The following RPS6KC1 variants were observed in gnomAD, a reference collection of about 807,000 sequenced individuals.
The protein encoded by RPS6KC1 is ribosomal protein S6 kinase C1, also known as inactive ribosomal protein S6 kinase delta-1.
Under a neutral mutation model 103.8 loss-of-function variants are expected in RPS6KC1, and 54 were observed. The observed-to-expected ratio is 0.52, with a 90% CI of 0.42 to 0.65. RPS6KC1 has a LOEUF of 0.65. RPS6KC1 is among the 30% of genes least tolerant of loss of function. The pLI is 0.00. For synonymous variants in RPS6KC1, 439 were observed against 438.7 expected (o/e 1.00, Z -0.01); for missense variants, 1,151 against 1,253.8 (o/e 0.92, Z 1.24).
chr1:213,516,234 C>T, the RPS6KC1 span, among the ~76,000 whole-genome samples: 2 of 152,124 alleles, frequency 1.3e-5, no homozygotes, highest in African/African-American at 4.8e-5. Context: ...CTTCTCCTGC[C>T]TGATTGCCCT....
chr1:213,752,798 A>T, the RPS6KC1 span, among the ~76,000 whole-genome samples: 2 of 151,896 alleles, frequency 1.3e-5, no homozygotes, highest in African/African-American at 4.8e-5. Flanking sequence ...GAAAAGGGGA[A>T]CAGATCTGAT....
At chr1:213,357,312 G>T in the RPS6KC1 span, among the ~76,000 whole-genome samples, 1 of 151,346 alleles carries the variant, frequency 6.6e-6, no homozygotes, top group Admixed American at 6.6e-5. Context: ...ACCTCTTGGG[G>T]CCCTGTCCTG....
chr1:213,648,772 G>T, the RPS6KC1 span, among the ~76,000 whole-genome samples: 1 of 152,008 alleles, frequency 6.6e-6, no homozygotes, highest in Non-Finnish European at 1.5e-5. Context: ...TATCACTGTA[G>T]CCTTCTTCTC....
chr1:213,181,187 AG>A (rs1299488290), intron 8 of RPS6KC1, among the ~76,000 whole-genome samples: 1 of 152,186 alleles, frequency 6.6e-6, no homozygotes, highest in African/African-American at 2.4e-5. Context: ...GAGTAGCCTG[AG>A]TCATTCTGTG....
the RPS6KC1 span, among the ~76,000 whole-genome samples, chr1:213,485,623 G>A: frequency 6.6e-6 from 1 of 152,146 alleles, no homozygotes; most frequent in African/African-American, 2.4e-5. Context: ...AGTTGCTGCT[G>A]ATGGCACCAT....
the RPS6KC1 span, among the ~76,000 whole-genome samples, chr1:213,308,440 G>A: frequency 6.6e-6 from 1 of 151,752 alleles, no homozygotes; most frequent in South Asian, 2.1e-4. Flanking sequence ...AATAAATATG[G>A]TAAGTCTAGG....
At chr1:213,849,140 G>A in the RPS6KC1 span, among the ~76,000 whole-genome samples, 3 of 152,190 alleles carry the variant, frequency 2.0e-5, no homozygotes, top group Non-Finnish European at 4.4e-5. Context: ...GCACTTCTGA[G>A]CTGTGTTTCC....
chr1:213,304,620 A>G, the RPS6KC1 span, among the ~76,000 whole-genome samples: 1 of 150,636 alleles, frequency 6.6e-6, no homozygotes, highest in Non-Finnish European at 1.5e-5. Context: ...TTGGCTCACC[A>G]CAACCTCTGG....
the RPS6KC1 span, among the ~76,000 whole-genome samples, chr1:213,550,344 A>G: frequency 6.6e-6 from 1 of 152,214 alleles, no homozygotes; most frequent in South Asian, 2.1e-4. Flanking sequence ...TTCTCCTAAC[A>G]GGCTTTCTTT....
chr1:213,112,755 CT>C lies in RPS6KC1; in HGVS notation c.379-4560del, dbSNP rs1301942263. On this transcript the variant is annotated intron_variant, in intron 4 of 14. Transcript: ENST00000366960. ...ACAGTCCCCAGAGTGTGATGTTCCC[CT>C]TCCTGTGTCCATGTGTTCTCATTGT... Among the ~76,000 whole-genome samples, 39 of 152,038 alleles carry C rather than the reference CT, an allele frequency of 2.6e-4. No homozygotes were observed. In the East Asian group the frequency reaches 7.3e-3, roughly 29 times the overall value.
the RPS6KC1 span, among the ~76,000 whole-genome samples, chr1:213,577,499 G>A: frequency 2.6e-5 from 4 of 152,226 alleles, no homozygotes; most frequent in South Asian, 8.3e-4. Context: ...GGAACAGTTT[G>A]GAGGGCTCAG....
chr1:213,647,253 C>T, the RPS6KC1 span, among the ~76,000 whole-genome samples: 3 of 152,046 alleles, frequency 2.0e-5, no homozygotes, highest in Non-Finnish European at 2.9e-5. Context: ...AGGAGGTTGA[C>T]TTTACTTACT....
the RPS6KC1 span, among the ~76,000 whole-genome samples, chr1:213,785,669 G>C: frequency 6.6e-6 from 1 of 152,088 alleles, no homozygotes; most frequent in Non-Finnish European, 1.5e-5. Context: ...TATGTATGTA[G>C]CTTTAAGACC....
At chr1:213,114,494 A>G (rs372119659) in intron 4 of RPS6KC1, among the ~76,000 whole-genome samples, 2 of 151,820 alleles carry the variant, frequency 1.3e-5, no homozygotes, top group African/African-American at 4.9e-5. Context: ...CAATCATGTC[A>G]TCTGCAAACA....
chr1:213,839,723 A>C, the RPS6KC1 span: 4 of 152,284 alleles, frequency 2.6e-5, no homozygotes, highest in East Asian at 7.7e-4. Context: ...GGTTTCATCC[A>C]GGCTGTCCAC....
At chr1:213,142,106 AC>A (rs1398334005) in intron 6 of RPS6KC1, among the ~76,000 whole-genome samples, 5 of 151,810 alleles carry the variant, frequency 3.3e-5, no homozygotes, top group Admixed American at 6.6e-5. Context: ...GTTGAATCGA[AC>A]CCTTTATCAT....
chr1:213,617,759 C>T, the RPS6KC1 span, among the ~76,000 whole-genome samples: 273 of 152,206 alleles, frequency 1.8e-3, 1 homozygote, highest in African/African-American at 6.2e-3. Context: ...TGATTAGTGC[C>T]GACCAGTTGG....
chr1:213,820,243 A>C, the RPS6KC1 span: 1 of 152,186 alleles, frequency 6.6e-6, no homozygotes, highest in Non-Finnish European at 1.5e-5. Flanking sequence ...GGCTGCCTCT[A>C]TAGGTCTGAA....
At chr1:213,067,025 A>G (rs960826217) in intron 1 of RPS6KC1, among the ~76,000 whole-genome samples, 2 of 152,172 alleles carry the variant, frequency 1.3e-5, no homozygotes, top group African/African-American at 4.8e-5. Flanking sequence ...CAGAAACTCA[A>G]AAGGATACAG....
Sources: gnomAD v4.1 joint callset for allele counts (sites outside exome capture counted in the v4.1 genomes callset) on GRCh38, gnomAD v4.1.1 for gene constraint, MANE v1.5 for transcripts, NCBI Gene and HGNC (gene_info 2026-07-23, HGNC 2026-07-21) for gene names.